Variants in AGBL4 observed in about 807,000 individuals in gnomAD.
AGBL4 encodes the protein cytosolic carboxypeptidase 6.
A neutral mutation model predicts 66.4 loss-of-function variants in AGBL4; 58 were observed. The observed-to-expected ratio is 0.87, with a 90% CI of 0.71 to 1.09. The LOEUF is 1.09. AGBL4 is among the 50% of genes least tolerant of loss of function. The pLI is 0.00. For missense variants in AGBL4, 579 were observed against 631.0 expected (o/e 0.92, Z 0.88); for synonymous variants, 234 against 222.9 (o/e 1.05, Z -0.44).
At chr1:49,970,194 T>G (rs1657935719) in intron 1 of AGBL4, among the ~76,000 whole-genome samples, 1 of 152,136 alleles carries the variant, frequency 6.6e-6, no homozygotes, top group Non-Finnish European at 1.5e-5. Flanking sequence ...GTCTTGACAA[T>G]GATTTCTTGG....
At chr1:49,238,791 G>A (rs1650988263) in intron 4 of AGBL4, among the ~76,000 whole-genome samples, 2 of 151,984 alleles carry the variant, frequency 1.3e-5, no homozygotes, top group African/African-American at 4.8e-5. Flanking sequence ...AAAATATTTT[G>A]GGGAGCACCT....
At chr1:49,049,637 A>T (rs768923235) in intron 4 of AGBL4, among the ~76,000 whole-genome samples, 3 of 152,068 alleles carry the variant, frequency 2.0e-5, no homozygotes, top group Admixed American at 6.6e-5. Flanking sequence ...GTATCACAAG[A>T]AGGCAGATTC....
intron 9 of AGBL4, among the ~76,000 whole-genome samples, chr1:48,625,520 A>G (rs1206594930): frequency 6.6e-6 from 1 of 152,138 alleles, no homozygotes; most frequent in African/African-American, 2.4e-5. Context: ...AAGTGCTGCA[A>G]TAGCCAGGTA....
chr1:50,016,991 G>A (rs551864201), intron 1 of AGBL4: 6 of 152,096 alleles, frequency 3.9e-5, no homozygotes, highest in Middle Eastern at 6.8e-3. Flanking sequence ...GCACACATAC[G>A]TTCATCGCCA....
intron 9 of AGBL4, among the ~76,000 whole-genome samples, chr1:48,595,899 A>C (rs1644987948): frequency 6.6e-6 from 1 of 152,240 alleles, no homozygotes; most frequent in Admixed American, 6.5e-5. Context: ...CAGTGAAGGA[A>C]GGACCATCCA....
chr1:48,587,755 G>A (rs1440832492), intron 10 of AGBL4, among the ~76,000 whole-genome samples: 1 of 151,380 alleles, frequency 6.6e-6, no homozygotes, highest in African/African-American at 2.4e-5. Flanking sequence ...CCATTCTCCT[G>A]CCTCAGCCTC....
At chr1:49,600,590 G>A (rs1279602688) in intron 3 of AGBL4, among the ~76,000 whole-genome samples, 1 of 152,170 alleles carries the variant, frequency 6.6e-6, no homozygotes, top group Non-Finnish European at 1.5e-5. Context: ...ATTTTAATGA[G>A]GGCATTTAGC....
At chr1:49,858,097 C>A (rs1322540356) in intron 1 of AGBL4, among the ~76,000 whole-genome samples, 1 of 151,974 alleles carries the variant, frequency 6.6e-6, no homozygotes, top group African/African-American at 2.4e-5. Flanking sequence ...ATACAAATGT[C>A]CCCAAAACAT....
intron 6 of AGBL4, among the ~76,000 whole-genome samples, chr1:48,753,864 A>T (rs1394706257): frequency 6.6e-6 from 1 of 152,322 alleles, no homozygotes; most frequent in East Asian, 1.9e-4. Flanking sequence ...GTTAGAATTC[A>T]TCATTTTTGC....
intron 4 of AGBL4, among the ~76,000 whole-genome samples, chr1:49,220,496 C>T (rs1649413062): frequency 6.6e-6 from 1 of 152,124 alleles, no homozygotes; most frequent in South Asian, 2.1e-4. Context: ...GATTATAAGA[C>T]ATCTATGATA....
chr1:49,814,337 A>G (rs771475008), intron 2 of AGBL4, among the ~76,000 whole-genome samples: 1 of 152,120 alleles, frequency 6.6e-6, no homozygotes, highest in Non-Finnish European at 1.5e-5. Flanking sequence ...TATTTAAGGA[A>G]CAGGCAGTGG....
chr1:49,925,671 C>A (rs1268269714), intron 1 of AGBL4, among the ~76,000 whole-genome samples: 1 of 152,198 alleles, frequency 6.6e-6, no homozygotes, highest in Non-Finnish European at 1.5e-5. Flanking sequence ...AGCCCTACAC[C>A]TGGCAAAATA....
intron 6 of AGBL4, among the ~76,000 whole-genome samples, chr1:48,678,764 G>A (rs1557873657): frequency 6.6e-6 from 1 of 152,202 alleles, no homozygotes; most frequent in Non-Finnish European, 1.5e-5. Context: ...TCCAGTTCCT[G>A]AGTTCCCCAT....
chr1:49,192,791 T>C (rs1273666277), intron 4 of AGBL4, among the ~76,000 whole-genome samples: 2 of 152,176 alleles, frequency 1.3e-5, no homozygotes, highest in South Asian at 2.1e-4. Flanking sequence ...CCTTGTACTA[T>C]TATGAAAAAA....
chr1:48,580,154 C>T (rs978873436), intron 11 of AGBL4, among the ~76,000 whole-genome samples: 1 of 152,156 alleles, frequency 6.6e-6, no homozygotes, highest in Non-Finnish European at 1.5e-5. Context: ...GTGACCCCAA[C>T]AGGGGTAAAC....
intron 3 of AGBL4, among the ~76,000 whole-genome samples, chr1:49,596,607 G>C (rs758637203): frequency 5.9e-5 from 9 of 152,150 alleles, no homozygotes; most frequent in Admixed American, 2.6e-4. Context: ...TTTCTATTTA[G>C]TTAAAAGTTT....
intron 5 of AGBL4, among the ~76,000 whole-genome samples, chr1:48,922,185 C>A (rs1037295694): frequency 6.6e-6 from 1 of 152,078 alleles, no homozygotes; most frequent in African/African-American, 2.4e-5. Flanking sequence ...CTTGCTAGCA[C>A]CCCAGTGTGT....
At chr1:48,578,749 C>CTTCATTCA (rs796963870) in intron 11 of AGBL4, among the ~76,000 whole-genome samples, 1 of 152,166 alleles carries the variant, frequency 6.6e-6, no homozygotes, top group Non-Finnish European at 1.5e-5. Flanking sequence ...CCTGCTTCCA[C>CTTCATTCA]TTCATTCATT....
At chr1:48,662,297 G>T (rs920488544) in intron 7 of AGBL4, among the ~76,000 whole-genome samples, 2 of 152,178 alleles carry the variant, frequency 1.3e-5, no homozygotes, top group Non-Finnish European at 2.9e-5. Context: ...GCCTGCCTGG[G>T]TAGTATCATT....
Sources: allele counts gnomAD v4.1 joint callset (sites outside exome capture counted in the v4.1 genomes callset), GRCh38; gene constraint gnomAD v4.1.1; transcripts MANE v1.5; gene names NCBI Gene and HGNC (gene_info 2026-07-23, HGNC 2026-07-21).